The following ZNF462 variants were observed in gnomAD, a reference collection of about 807,000 sequenced individuals.
ZNF462 encodes zinc finger PBX1-interacting protein.
ZNF462 carries 10 observed loss-of-function variants against 201.9 expected under a neutral mutation model. That is an observed-to-expected ratio of 0.05 (90% CI 0.03 to 0.08). ZNF462 has a LOEUF of 0.08. ZNF462 is among the 10% of genes least tolerant of loss of function. The pLI is 1.00. For missense variants in ZNF462, 2,523 were observed against 3,168.3 expected, an observed-to-expected ratio of 0.80 and a Z score of 4.89; for synonymous variants, 1,227 against 1,193.3, an observed-to-expected ratio of 1.03 and a Z score of -0.58.
chr9:106,916,593 GT>G (rs1373739370), intron 1 of ZNF462, among the ~76,000 whole-genome samples: 2 of 152,158 alleles, frequency 1.3e-5, no homozygotes, highest in African/African-American at 4.8e-5. Flanking sequence ...TCAGTTATCT[GT>G]TGTTCTAAGT....
At chr9:106,922,845 C>G (rs752982836) in intron 1 of ZNF462, among the ~76,000 whole-genome samples, 14 of 152,134 alleles carry the variant, frequency 9.2e-5, no homozygotes, top group Admixed American at 2.0e-4. Context: ...ACCTCCACCC[C>G]CAAGATTTAA....
intron 6 of ZNF462, among the ~76,000 whole-genome samples, chr9:106,937,902 T>C (rs1372296708): frequency 2.0e-5 from 3 of 152,166 alleles, no homozygotes; most frequent in African/African-American, 7.2e-5. Context: ...ACTTTATATT[T>C]ATTAAAGGAT....
At chr9:106,943,059 C>CGCGTGTGTGTGTGTGTGT (rs374167214) in intron 7 of ZNF462, among the ~76,000 whole-genome samples, 5 of 143,242 alleles carry the variant, frequency 3.5e-5, no homozygotes, top group African/African-American at 1.3e-4. Context: ...TTTGCGCGCG[C>CGCGTGTGTGTGTGTGTGT]GTGTGTGTGT....
rs536827381 is a variant in ZNF462, at chr9:106,898,929, A to G, written c.-30-24425A>G. 9.4e-4 allele frequency among the ~76,000 whole-genome samples: 143 copies of G among 152,286 alleles called. 1 individual carries two copies. Among genetic ancestry groups the G allele is most frequent in the Non-Finnish European group, 8.8e-4 (60 of 68,024 alleles). ...AAGCAGTTTGTGAAAAGGAGGAATT[A>G]ATGATAACAATGGCAATTGTAGTTA... On this transcript the variant is annotated intron_variant, in intron 1 of 12. Coordinates refer to ENST00000277225, the MANE Select transcript of ZNF462 (RefSeq NM_021224.6).
upstream of ZNF462, among the ~76,000 whole-genome samples, chr9:106,862,485 T>C (rs1410274471): frequency 6.6e-6 from 1 of 151,908 alleles, no homozygotes; most frequent in Non-Finnish European, 1.5e-5. The surrounding 1 kb of genome is among the most constrained non-coding windows in gnomAD (Gnocchi z 4.2). Flanking sequence ...TCGCACCGCC[T>C]TCTCCGCAGG....
At chr9:106,976,864 A>G (rs1827038420) in intron 9 of ZNF462, among the ~76,000 whole-genome samples, 1 of 152,202 alleles carries the variant, frequency 6.6e-6, no homozygotes. Context: ...CAGAAAGGCT[A>G]ACAACTTGAC....
chr9:106,912,935 A>G (rs1829611914), intron 1 of ZNF462, among the ~76,000 whole-genome samples: 1 of 152,204 alleles, frequency 6.6e-6, no homozygotes, highest in Non-Finnish European at 1.5e-5. Context: ...GAGCTATAGG[A>G]CAGAATTGTT....
rs781438884 is a variant in ZNF462 at position 106,926,478 on chromosome 9, C to T, written c.2566C>T (p.Arg856Trp). Residue 856 changes from arginine to tryptophan, a missense_variant, in exon 3 of 13, where the codon CGG becomes TGG. Physicochemically the swap from Arg to Trp is moderately radical, Grantham distance 101. Around this residue, in one of 15 missense-constraint regions of ZNF462, gnomAD observed 11 missense variants for 41.0 expected, o/e 0.27. Coordinates refer to ENST00000277225, the MANE Select transcript of ZNF462 (RefSeq NM_021224.6). This position sits in a 1 kb window ranked among gnomAD's most constrained non-coding sequence, Gnocchi z 7.9. ...CTGTGACTTTAACAACAAATCTGCC[C>T]GGAGTGTTAGCACCCACTACCAACG... The part of the protein sequence containing the change: ...KHCDFNNKSA[R>W]SVSTHYQRMH... 2 of 1,614,104 alleles carry T rather than the reference C, an allele frequency of 1.2e-6. No individual in the cohort carries two copies. The highest frequency in any genetic ancestry group is 8.5e-7 in the Non-Finnish European group (1 of 1,180,020).
At chr9:106,871,720 A>G (rs762215311) in intron 1 of ZNF462, among the ~76,000 whole-genome samples, 3 of 152,224 alleles carry the variant, frequency 2.0e-5, no homozygotes, top group Non-Finnish European at 4.4e-5. Flanking sequence ...TAAAGGACAG[A>G]TGGAAACTCA....
chr9:106,996,460 A>T (rs903615651), intron 10 of ZNF462, among the ~76,000 whole-genome samples: 3 of 151,796 alleles, frequency 2.0e-5, no homozygotes, highest in African/African-American at 4.8e-5. Flanking sequence ...TTTCTCCACA[A>T]CCTCTCCAGC....
chr9:106,976,237 C>T (rs937741506), intron 9 of ZNF462: 3 of 152,176 alleles, frequency 2.0e-5, no homozygotes, highest in African/African-American at 7.2e-5. Context: ...AGGTGCCATG[C>T]CCTTGTTCAC....
intron 7 of ZNF462, 56 bp from the exon 8 acceptor site, chr9:106,971,949 A>T (rs955208210): frequency 5.2e-6 from 8 of 1,548,918 alleles, no homozygotes; most frequent in Non-Finnish European, 7.0e-6. Context: ...GTTTTCAAGC[A>T]TCGATCACCT....
rs1008399949 is a variant in ZNF462, at chr9:106,885,104, CT to C, written c.-31+21750del. Among the ~76,000 whole-genome samples the C allele has an allele frequency of 2.0e-5, 3 of 152,124 alleles. No homozygotes were observed. Among genetic ancestry groups the C allele is most frequent in the African/African-American group, 7.2e-5 (3 of 41,422 alleles). ...AATCTCAATAAAAAGGAAAATGGCC[CT>C]GTTGCAAAATTTGGCAGGTCAGACA... is the stretch of plus-strand genomic sequence containing the variant. On this transcript the variant is annotated intron_variant, in intron 1 of 12. Coordinates refer to ENST00000277225, the MANE Select transcript of ZNF462 (RefSeq NM_021224.6). The surrounding 1 kb of genome is among the most constrained non-coding windows in gnomAD (Gnocchi z 4.1).
chr9:106,898,260 G>A (rs777827293), intron 1 of ZNF462, among the ~76,000 whole-genome samples: 3 of 152,170 alleles, frequency 2.0e-5, no homozygotes, highest in South Asian at 2.1e-4. Flanking sequence ...CTCACAATGC[G>A]CTGTGGGGAA....
rs768715418 is a variant in ZNF462 at position 106,925,914 on chromosome 9, A to G, written c.2002A>G (p.Lys668Glu). ...SQTSILGLSS[K>E]NNFVAKASRK... ...GACCTCAATTCTTGGGTTGTCCTCC[A>G]AGAACAATTTTGTAGCTAAAGCCTC... The change falls in exon 3 of 13, where the codon AAG becomes GAG. Residue 668 changes from lysine to glutamate, a missense_variant. Lys to Glu is a moderately conservative substitution (Grantham distance 56). Around this residue, in one of 15 missense-constraint regions of ZNF462, gnomAD observed 383 missense variants for 453.4 expected, o/e 0.84. Transcript: ENST00000277225. This position sits in a 1 kb window ranked among gnomAD's most constrained non-coding sequence, Gnocchi z 7.9. The G allele has an allele frequency of 1.2e-6, 2 of 1,614,214 alleles. No homozygotes were observed. The highest frequency in any genetic ancestry group is 1.7e-6 in the Non-Finnish European group (2 of 1,180,034).
Position 106,929,067 on chromosome 9 carries a change from C to T in ZNF462, c.5155C>T (p.Arg1719Cys), listed in dbSNP as rs1830319225. 1 of 1,614,098 alleles carries T rather than the reference C, an allele frequency of 6.2e-7. No homozygotes were observed. The highest frequency in any genetic ancestry group is 8.5e-7 in the Non-Finnish European group (1 of 1,180,030). Residue 1719 changes from arginine to cysteine, a missense_variant, in exon 3 of 13, where the codon CGC becomes TGC. By Grantham distance (180) the Arg-to-Cys change is radical (BLOSUM62 -3). This residue lies in a region of ZNF462 where 17 missense variants were observed against 57.6 expected (regional missense o/e 0.29). Transcript: ENST00000277225. The surrounding 1 kb of genome is among the most constrained non-coding windows in gnomAD (Gnocchi z 8.7). ...AGGTCTGGCAGCCCACTACCAGAAG[C>T]GCCACGACATTGATGCGTATTACAC... ...RKGLAAHYQK[R>C]HDIDAYYTHC...
At position 106,974,635 on chromosome 9, in the gene ZNF462, T is replaced by C. The variant is rs985615292; in HGVS notation, c.6832+362T>C. 1 of 338,060 alleles carries C rather than the reference T, an allele frequency of 3.0e-6. No individual in the cohort carries two copies. The highest frequency in any genetic ancestry group is 5.7e-6 in the Non-Finnish European group (1 of 174,400). 20.9% of individuals were successfully genotyped at this position (338,060 alleles called of 1,614,324 possible). A position where few individuals can be genotyped will look rare whatever the true frequency, so the allele number is the denominator to read the frequency against. ...TGGGTGGGTGAAAGCAAATGTGAAA[T>C]GTGGAGAGCTCTATGGCTGTGAGAG... On this transcript the variant is annotated intron_variant, in intron 9 of 12. Coordinates refer to ENST00000277225, the MANE Select transcript of ZNF462 (RefSeq NM_021224.6). This position sits in a 1 kb window ranked among gnomAD's most constrained non-coding sequence, Gnocchi z 4.0.
rs1394068849 is a variant in ZNF462 at position 106,870,262 on chromosome 9, G to C, written c.-31+6907G>C. 2.6e-5 allele frequency among the ~76,000 whole-genome samples: 4 copies of C among 152,144 alleles called. No individual in the cohort carries two copies. The highest frequency in any genetic ancestry group is 4.4e-5 in the Non-Finnish European group (3 of 68,026). Reference sequence around the variant, plus strand: ...TCAAAGCATTCTTGCCTAATTCCTAGCTGGAGACATTTTTTCTTGAGTTAT... The same window carrying C: ...TCAAAGCATTCTTGCCTAATTCCTACCTGGAGACATTTTTTCTTGAGTTAT... On this transcript the variant is annotated intron_variant, in intron 1 of 12. Transcript: ENST00000277225. This position sits in a 1 kb window ranked among gnomAD's most constrained non-coding sequence, Gnocchi z 4.3.
rs533130819 is a variant in ZNF462, at chr9:106,924,790, C to T, written c.878C>T (p.Ala293Val). 11 of 1,614,118 alleles carry T rather than the reference C, an allele frequency of 6.8e-6. No homozygotes were observed. The African/African-American group carries it at 1.3e-4, about 20-fold the overall frequency. Residue 293 changes from alanine (A) to valine (V), a missense_variant, in exon 3 of 13, where the codon GCC becomes GTC. This residue lies in a region of ZNF462 where 480 missense variants were observed against 544.4 expected (regional missense o/e 0.88). Coordinates refer to ENST00000277225, the MANE Select transcript of ZNF462 (RefSeq NM_021224.6). The surrounding 1 kb of genome is among the most constrained non-coding windows in gnomAD (Gnocchi z 6.2). The part of the protein sequence containing the change: ...TNLPDVPNKS[A>V]PSPTSNSTYL... Reference sequence around the variant, plus strand: ...CTACCTGATGTGCCGAACAAGAGTGCCCCCAGCCCCACTTCCAACTCCACC... The same window carrying T: ...CTACCTGATGTGCCGAACAAGAGTGTCCCCAGCCCCACTTCCAACTCCACC...
Sources: allele counts gnomAD v4.1 joint callset (sites outside exome capture counted in the v4.1 genomes callset), GRCh38; gene constraint gnomAD v4.1.1; regional missense constraint gnomAD v4.1.1; non-coding constraint Gnocchi (gnomAD v3.1); transcripts MANE v1.5; gene names NCBI Gene and HGNC (gene_info 2026-07-23, HGNC 2026-07-21).